The following THSD7B variants were observed in gnomAD, a reference collection of about 807,000 sequenced individuals.
THSD7B encodes thrombospondin type 1 domain containing 7B.
Under a neutral mutation model 213.6 loss-of-function variants are expected in THSD7B, and 138 were observed. That is an observed-to-expected ratio of 0.65 (90% CI 0.56 to 0.74). The LOEUF is 0.74. Ranked by LOEUF, THSD7B falls within the 30% of genes least tolerant of loss-of-function variation. The pLI is 0.00. For missense variants in THSD7B, 1,931 were observed against 1,991.5 expected, an observed-to-expected ratio of 0.97 and a Z score of 0.58; for synonymous variants, 742 against 687.0, an observed-to-expected ratio of 1.08 and a Z score of -1.25.
chr2:136,862,711 G>A (rs1683273843), intron 1 of THSD7B, among the ~76,000 whole-genome samples: 1 of 152,274 alleles, frequency 6.6e-6, no homozygotes, highest in South Asian at 2.1e-4. Context: ...AGTTCATAAA[G>A]CGATCAAGTA....
intron 12 of THSD7B, among the ~76,000 whole-genome samples, chr2:137,401,437 G>A (rs1686357842): frequency 6.6e-6 from 1 of 152,012 alleles, no homozygotes; most frequent in Non-Finnish European, 1.5e-5. Flanking sequence ...TAATGTTTAT[G>A]AATAAAATGA....
chr2:137,631,149 C>T (rs6728000), intron 20 of THSD7B, among the ~76,000 whole-genome samples: 7,449 of 152,222 alleles, frequency 0.049, 530 homozygotes, highest in African/African-American at 0.15. Context: ...AAGGTCAGAA[C>T]AGTTTGAATC....
intron 12 of THSD7B, among the ~76,000 whole-genome samples, chr2:137,383,791 T>C (rs547224965): frequency 2.6e-5 from 4 of 152,294 alleles, no homozygotes; most frequent in Admixed American, 6.5e-5. Flanking sequence ...GTCTACGACT[T>C]CTTGAGTGTT....
chr2:137,315,481 G>A (rs1684073061), intron 12 of THSD7B, among the ~76,000 whole-genome samples: 2 of 152,118 alleles, frequency 1.3e-5, no homozygotes, highest in Non-Finnish European at 2.9e-5. Context: ...CGTCGCTCAT[G>A]CTGGGAGCTG....
intron 1 of THSD7B, among the ~76,000 whole-genome samples, chr2:136,837,936 C>T (rs768909985): frequency 6.6e-6 from 1 of 152,182 alleles, no homozygotes; most frequent in African/African-American, 2.4e-5. Flanking sequence ...TGGAAAGAGA[C>T]AGACCTGAGT....
intron 15 of THSD7B, among the ~76,000 whole-genome samples, chr2:137,502,254 A>G (rs1162215401): frequency 8.1e-6 from 1 of 123,044 alleles, no homozygotes; most frequent in Non-Finnish European, 1.9e-5. Flanking sequence ...AAGTCAGGTT[A>G]GTAGTTAACT....
chr2:137,226,741 A>G (rs1681515085), intron 7 of THSD7B, among the ~76,000 whole-genome samples: 2 of 151,846 alleles, frequency 1.3e-5, no homozygotes. Context: ...TCCTAGATGT[A>G]TATCCCAAAT....
chr2:137,348,962 G>A (rs991803918), intron 12 of THSD7B, among the ~76,000 whole-genome samples: 2 of 151,466 alleles, frequency 1.3e-5, no homozygotes, highest in Non-Finnish European at 3.0e-5. Context: ...TTATAAAATA[G>A]TTATAAAATA....
intron 15 of THSD7B, among the ~76,000 whole-genome samples, chr2:137,536,345 G>A (rs1680507074): frequency 1.3e-5 from 2 of 151,310 alleles, no homozygotes; most frequent in African/African-American, 4.8e-5. Context: ...CACAGATTTG[G>A]GGAAGTTTAG....
rs75811511 is a variant in THSD7B at position 136,771,654 on chromosome 2, A to G, written c.-36+5967A>G. Among the ~76,000 whole-genome samples, 521 of 152,252 alleles carry G rather than the reference A, an allele frequency of 3.4e-3. 1 individual carries two copies. The highest frequency in any genetic ancestry group is 0.012 in the African/African-American group (498 of 41,550). On this transcript the variant is annotated intron_variant, in intron 1 of 27. Transcript: ENST00000409968. ...CACTGAGCTTTCACTGATGATGCCAATTCACAAAGCCCTCTCTCAGTCTGA... is the reference window on the plus strand; with the variant it reads ...CACTGAGCTTTCACTGATGATGCCAGTTCACAAAGCCCTCTCTCAGTCTGA...
chr2:137,324,002 A>T (rs1684315632), intron 12 of THSD7B, among the ~76,000 whole-genome samples: 1 of 152,202 alleles, frequency 6.6e-6, no homozygotes, highest in African/African-American at 2.4e-5. Context: ...TCCGAGGCTC[A>T]TAGTAATGAG....
intron 12 of THSD7B, among the ~76,000 whole-genome samples, chr2:137,352,928 C>G (rs1344606421): frequency 6.6e-6 from 1 of 151,874 alleles, no homozygotes; most frequent in African/African-American, 2.4e-5. Context: ...GCATTTCTAA[C>G]AGACAGATTT....
chr2:137,394,504 C>T (rs1686122749), intron 12 of THSD7B, among the ~76,000 whole-genome samples: 1 of 136,926 alleles, frequency 7.3e-6, no homozygotes, highest in Admixed American at 7.2e-5. Flanking sequence ...GGGCTGTGTT[C>T]TGTTCCATTG....
chr2:137,586,403 A>T (rs1236084034), intron 17 of THSD7B, among the ~76,000 whole-genome samples: 1 of 152,026 alleles, frequency 6.6e-6, no homozygotes, highest in Non-Finnish European at 1.5e-5. Flanking sequence ...TATTTTGCCC[A>T]TTAGTTGATG....
At chr2:137,039,294 A>C (rs1373085238) in intron 2 of THSD7B, among the ~76,000 whole-genome samples, 2 of 152,160 alleles carry the variant, frequency 1.3e-5, no homozygotes. Flanking sequence ...ACCCATTTCC[A>C]GGGATTTTTG....
At chr2:137,140,396 C>T (rs1003484546) in intron 5 of THSD7B, among the ~76,000 whole-genome samples, 1 of 152,034 alleles carries the variant, frequency 6.6e-6, no homozygotes, top group Non-Finnish European at 1.5e-5. Context: ...TTGAGGGGAA[C>T]GTCTTTCTAT....
At chr2:137,089,932 G>A (rs1034262066) in intron 3 of THSD7B, among the ~76,000 whole-genome samples, 7 of 151,778 alleles carry the variant, frequency 4.6e-5, no homozygotes, top group African/African-American at 1.2e-4. Context: ...CCTTAAACCC[G>A]GGAGGCAGAG....
intron 16 of THSD7B, 90 bp from the exon 17 acceptor site, chr2:137,572,316 A>C: frequency 1.4e-6 from 2 of 1,431,164 alleles, no homozygotes; most frequent in East Asian, 4.8e-5. Flanking sequence ...ATATTTAACT[A>C]TCGTCAGTTA....
At chr2:136,775,918 T>C (rs928855931) in intron 1 of THSD7B, among the ~76,000 whole-genome samples, 1 of 152,228 alleles carries the variant, frequency 6.6e-6, no homozygotes, top group Admixed American at 6.5e-5. Flanking sequence ...AAGGAGTTTA[T>C]TATACTTTGA....
Sources: allele counts gnomAD v4.1 joint callset (sites outside exome capture counted in the v4.1 genomes callset), GRCh38; gene constraint gnomAD v4.1.1; transcripts MANE v1.5; gene names NCBI Gene and HGNC (gene_info 2026-07-23, HGNC 2026-07-21).